The following GPHN variants were observed in gnomAD, a reference collection of about 807,000 sequenced individuals.
GPHN encodes the protein gephyrin.
In GPHN, 17 loss-of-function variants were observed where a neutral mutation model predicts 95.5. That is an observed-to-expected ratio of 0.18 (90% CI 0.12 to 0.27). The LOEUF is 0.27. GPHN is among the 10% of genes least tolerant of loss of function. The probability of loss-of-function intolerance (pLI) is 1.00; values close to 1 mark genes in which losing one functional copy is unlikely to be tolerated. For synonymous variants in GPHN, 320 were observed against 322.5 expected (o/e 0.99, Z 0.08); for missense variants, 660 against 978.1 (o/e 0.67, Z 4.34).
At chr14:67,436,917 C>T in the GPHN span, among the ~76,000 whole-genome samples, 1 of 152,094 alleles carries the variant, frequency 6.6e-6, no homozygotes, top group African/African-American at 2.4e-5. Flanking sequence ...ATTAGCCAGG[C>T]TTGGTGGCAC....
At chr14:66,648,396 G>A (rs993606457) in intron 1 of GPHN, among the ~76,000 whole-genome samples, 1 of 152,122 alleles carries the variant, frequency 6.6e-6, no homozygotes, top group Non-Finnish European at 1.5e-5. Flanking sequence ...GCTGCTGTAA[G>A]AAAATACCAC....
intron 1 of GPHN, among the ~76,000 whole-genome samples, chr14:66,604,455 C>T (rs1370090842): frequency 6.6e-6 from 1 of 152,064 alleles, no homozygotes; most frequent in Non-Finnish European, 1.5e-5. Context: ...TGAATAGTTG[C>T]TTTGCAGACA....
intron 4 of GPHN, among the ~76,000 whole-genome samples, chr14:66,825,847 T>C (rs949633957): frequency 3.3e-5 from 5 of 152,174 alleles, no homozygotes; most frequent in Non-Finnish European, 5.9e-5. Context: ...CTTCTATAGT[T>C]AGTGGTTCTT....
intron 5 of GPHN, among the ~76,000 whole-genome samples, chr14:66,905,252 A>T (rs1458208317): frequency 6.6e-6 from 1 of 152,012 alleles, no homozygotes; most frequent in African/African-American, 2.4e-5. Context: ...TATATATCTC[A>T]GTTCCAAGGT....
chr14:66,887,448 A>G (rs537310194), intron 5 of GPHN, among the ~76,000 whole-genome samples: 345 of 152,262 alleles, frequency 2.3e-3, no homozygotes, highest in African/African-American at 7.8e-3. Flanking sequence ...TTAGCTGGGC[A>G]TGGTGCCACG....
At chr14:67,154,148 A>G (rs1212655358) in intron 18 of GPHN, among the ~76,000 whole-genome samples, 1 of 152,142 alleles carries the variant, frequency 6.6e-6, no homozygotes, top group Non-Finnish European at 1.5e-5. Flanking sequence ...CTACTCATTC[A>G]CTACCATCCA....
At chr14:66,985,526 A>G (rs1333315738) in intron 9 of GPHN, among the ~76,000 whole-genome samples, 1 of 152,150 alleles carries the variant, frequency 6.6e-6, no homozygotes, top group African/African-American at 2.4e-5. Flanking sequence ...AGAGCATGTC[A>G]TACAGCCTCT....
At chr14:67,250,616 A>G in the GPHN span, among the ~76,000 whole-genome samples, 7 of 152,232 alleles carry the variant, frequency 4.6e-5, no homozygotes, top group African/African-American at 1.7e-4. Context: ...TACAATATGC[A>G]GGGATTCATG....
At chr14:67,154,229 C>T (rs2081449653) in intron 18 of GPHN, among the ~76,000 whole-genome samples, 2 of 152,134 alleles carry the variant, frequency 1.3e-5, no homozygotes, top group South Asian at 4.1e-4. Context: ...CTCTGGAATT[C>T]TCTTCCCTCC....
chr14:67,401,291 A>T, the GPHN span, among the ~76,000 whole-genome samples: 1 of 152,112 alleles, frequency 6.6e-6, no homozygotes, highest in African/African-American at 2.4e-5. Context: ...GTTTGAGGCC[A>T]GCCTCAGCAA....
chr14:66,511,289 C>T (rs908429085), intron 1 of GPHN, among the ~76,000 whole-genome samples: 3 of 152,074 alleles, frequency 2.0e-5, no homozygotes, highest in African/African-American at 7.2e-5. Context: ...TAGAATTATT[C>T]TTTACTGAAC....
intron 4 of GPHN, among the ~76,000 whole-genome samples, chr14:66,825,606 C>T (rs918753284): frequency 1.3e-5 from 2 of 150,396 alleles, no homozygotes; most frequent in African/African-American, 2.4e-5. Context: ...CAGATGTTGT[C>T]GTTGTTGTTG....
At chr14:66,957,687 AGG>A (rs1221927791) in intron 8 of GPHN, among the ~76,000 whole-genome samples, 2 of 152,188 alleles carry the variant, frequency 1.3e-5, no homozygotes, top group East Asian at 3.9e-4. Context: ...TATGGCTGCT[AGG>A]TCTAGTTGGT....
At chr14:67,276,119 G>A in the GPHN span, among the ~76,000 whole-genome samples, 1 of 151,826 alleles carries the variant, frequency 6.6e-6, no homozygotes, top group African/African-American at 2.4e-5. Context: ...CTATCCAATA[G>A]GAGTGATATT....
At chr14:67,621,799 T>A in the GPHN span, among the ~76,000 whole-genome samples, 2 of 151,496 alleles carry the variant, frequency 1.3e-5, no homozygotes, top group Non-Finnish European at 2.9e-5. Context: ...CAGCACCAAA[T>A]TTGAATACCT....
At chr14:67,654,751 C>T in the GPHN span, among the ~76,000 whole-genome samples, 3 of 151,994 alleles carry the variant, frequency 2.0e-5, no homozygotes, top group Non-Finnish European at 2.9e-5. Context: ...AAATTTTGCC[C>T]GGGCGCAGTG....
chr14:67,302,486 G>A, the GPHN span: 1 of 1,599,704 alleles, frequency 6.3e-7, no homozygotes. Context: ...GAGAAAAGTG[G>A]TCTGTTGCAT....
the GPHN span, among the ~76,000 whole-genome samples, chr14:67,679,764 C>A: frequency 6.6e-6 from 1 of 152,076 alleles, no homozygotes; most frequent in East Asian, 1.9e-4. Context: ...AAGGACAATT[C>A]TGACTCATTT....
intron 8 of GPHN, among the ~76,000 whole-genome samples, chr14:66,947,822 G>A (rs1416433708): frequency 6.6e-6 from 1 of 152,074 alleles, no homozygotes; most frequent in South Asian, 2.1e-4. Flanking sequence ...GGATGTGGTG[G>A]TGTGCACCTG....
Sources: allele counts gnomAD v4.1 joint callset (sites outside exome capture counted in the v4.1 genomes callset), GRCh38; gene constraint gnomAD v4.1.1; transcripts MANE v1.5; gene names NCBI Gene and HGNC (gene_info 2026-07-23, HGNC 2026-07-21).